SLC4A7: variants seen among roughly 807,000 people sequenced by gnomAD.
SLC4A7 encodes sodium bicarbonate cotransporter 3.
SLC4A7 carries 51 observed loss-of-function variants against 137.6 expected under a neutral mutation model. The ratio of observed to expected loss-of-function variants is 0.37; its 90% CI spans 0.30 to 0.47. SLC4A7 has a LOEUF of 0.47. Ranked by LOEUF, SLC4A7 falls within the 20% of genes least tolerant of loss-of-function variation. The pLI is 1.00. For missense variants in SLC4A7, 1,247 were observed against 1,525.4 expected, an observed-to-expected ratio of 0.82 and a Z score of 3.04; for synonymous variants, 542 against 518.6, an observed-to-expected ratio of 1.05 and a Z score of -0.61.
rs776068418 is a variant in SLC4A7 at position 27,421,748 on chromosome 3, G to A, written c.1298C>T (p.Thr433Met). 1.7e-5 allele frequency: 27 copies of A among 1,612,324 alleles called. No homozygotes were observed. Among genetic ancestry groups the A allele is most frequent in the African/African-American group, 1.1e-4 (8 of 74,846 alleles). The change falls in exon 9 of 26, where the codon ACG (threonine) becomes ATG (methionine). Residue 433 changes from threonine (T) to methionine (M), a missense_variant. Thr to Met is a moderately conservative substitution (Grantham distance 81). Around this residue, in one of 6 missense-constraint regions of SLC4A7, gnomAD observed 499 missense variants for 664.2 expected, o/e 0.75. Coordinates refer to ENST00000454389, the MANE Select transcript of SLC4A7 (RefSeq NM_001321103.2). Reference sequence around the variant, plus strand: ...CAGGACGTTGGATGCCTCAGCACCCGTAGGAATTTTTCTCATGAAATTCAT... The same window carrying A: ...CAGGACGTTGGATGCCTCAGCACCCATAGGAATTTTTCTCATGAAATTCAT... The part of the protein sequence containing the change: ...VDMNFMRKIP[T>M]GAEASNVLVG...
chr3:27,402,561 A>T (rs1234393775), intron 15 of SLC4A7, among the ~76,000 whole-genome samples: 1 of 152,050 alleles, frequency 6.6e-6, no homozygotes, highest in Non-Finnish European at 1.5e-5. Flanking sequence ...TTAGCTAGGC[A>T]CGGTGATACG....
intron 24 of SLC4A7, among the ~76,000 whole-genome samples, chr3:27,380,575 T>C (rs1027462514): frequency 1.3e-5 from 2 of 152,158 alleles, no homozygotes; most frequent in Non-Finnish European, 2.9e-5. Flanking sequence ...TCAAATTAGG[T>C]AATGTTAAAT....
intron 15 of SLC4A7, among the ~76,000 whole-genome samples, chr3:27,402,326 TAA>T (rs2052840413): frequency 6.6e-6 from 1 of 152,198 alleles, no homozygotes; most frequent in South Asian, 2.1e-4. Flanking sequence ...TTCTAGAATT[TAA>T]AAAGATTTTC....
At chr3:27,478,491 GC>G (rs1221599534) in intron 1 of SLC4A7, among the ~76,000 whole-genome samples, 2 of 132,896 alleles carry the variant, frequency 1.5e-5, no homozygotes, top group East Asian at 4.3e-4. Flanking sequence ...GCACTCCTGG[GC>G]AAAAGAGCGA....
At chr3:27,428,686 A>G (rs2055917923) in intron 7 of SLC4A7, among the ~76,000 whole-genome samples, 1 of 152,152 alleles carries the variant, frequency 6.6e-6, no homozygotes, top group African/African-American at 2.4e-5. Flanking sequence ...GTTTCTGAAA[A>G]TGGGTGTGTC....
intron 1 of SLC4A7, among the ~76,000 whole-genome samples, chr3:27,468,940 C>G (rs879340623): frequency 1.3e-5 from 2 of 151,890 alleles, no homozygotes; most frequent in African/African-American, 4.8e-5. Flanking sequence ...AATGCTGTCT[C>G]TACTAAAAAT....
chr3:27,456,822 C>G, intron 1 of SLC4A7: 1 of 1,432,166 alleles, frequency 7.0e-7, no homozygotes, highest in Non-Finnish European at 9.1e-7. Flanking sequence ...TATGGTACAG[C>G]CAATCACTGT....
chr3:27,481,210 T>A (rs2059691934), intron 1 of SLC4A7, among the ~76,000 whole-genome samples: 1 of 152,092 alleles, frequency 6.6e-6, no homozygotes, highest in Non-Finnish European at 1.5e-5. Context: ...AAGTGAGGCT[T>A]ACAATTATGA....
chr3:27,428,037 G>A (rs983615486), intron 7 of SLC4A7, among the ~76,000 whole-genome samples: 3 of 152,082 alleles, frequency 2.0e-5, no homozygotes, highest in Non-Finnish European at 4.4e-5. Flanking sequence ...ACTGATCAAT[G>A]TAATATTGGA....
chr3:27,394,831 T>G, intron 19 of SLC4A7, 62 bp from the exon 20 acceptor site: 1 of 1,566,808 alleles, frequency 6.4e-7, no homozygotes, highest in Non-Finnish European at 8.7e-7. Context: ...TTTAAAATTC[T>G]ACACGAATTA....
intron 1 of SLC4A7, among the ~76,000 whole-genome samples, chr3:27,481,561 A>G (rs1483251845): frequency 1.3e-5 from 2 of 152,212 alleles, no homozygotes; most frequent in East Asian, 3.8e-4. Flanking sequence ...AAACTGGGTG[A>G]GCGAAGATTT....
intron 1 of SLC4A7, among the ~76,000 whole-genome samples, chr3:27,476,928 T>C (rs1345474304): frequency 6.6e-6 from 1 of 152,180 alleles, no homozygotes; most frequent in Non-Finnish European, 1.5e-5. Flanking sequence ...AACCCTAGGC[T>C]AGACTTAATT....
chr3:27,424,430 C>T, intron 7 of SLC4A7: 3 of 246,490 alleles, frequency 1.2e-5, no homozygotes, highest in Non-Finnish European at 2.3e-5. Context: ...TGGTGTGAAC[C>T]ACAAAAGATG....
intron 1 of SLC4A7, among the ~76,000 whole-genome samples, chr3:27,459,800 T>C (rs75383595): frequency 0.13 from 19,454 of 152,012 alleles, 1,229 homozygotes; most frequent in Middle Eastern, 0.19. Context: ...TTACATTCTG[T>C]TGTGTCTTGT....
rs147266917 is a variant in SLC4A7, at chr3:27,410,080, C to T, written c.1767-550G>A. On this transcript the variant is annotated intron_variant, in intron 12 of 25. Coordinates refer to ENST00000454389, the MANE Select transcript of SLC4A7 (RefSeq NM_001321103.2). ...AAAGGGGGAAAGAAATCCCTAAAAA[C>T]TATTTCAGTATATTTAATTTACTGT... 2.6e-3 allele frequency among the ~76,000 whole-genome samples: 401 copies of T among 152,226 alleles called. 1 individual carries two copies. The highest frequency in any genetic ancestry group is 9.3e-3 in the African/African-American group (387 of 41,538).
At chr3:27,455,248 G>A (rs1473056764) in intron 1 of SLC4A7, among the ~76,000 whole-genome samples, 4 of 152,202 alleles carry the variant, frequency 2.6e-5, no homozygotes, top group Admixed American at 2.0e-4. Context: ...AATGGAAGTA[G>A]ATCTATGTGT....
At chr3:27,477,285 T>G (rs2059499584) in intron 1 of SLC4A7, among the ~76,000 whole-genome samples, 1 of 152,228 alleles carries the variant, frequency 6.6e-6, no homozygotes, top group African/African-American at 2.4e-5. Flanking sequence ...GTGTGGCAAG[T>G]TGGTGAACAG....
chr3:27,477,734 C>T (rs960478870), intron 1 of SLC4A7, among the ~76,000 whole-genome samples: 1 of 152,132 alleles, frequency 6.6e-6, no homozygotes, highest in African/African-American at 2.4e-5. Flanking sequence ...CCTGCCTCAG[C>T]CTCCCAAGTA....
At chr3:27,466,807 C>T (rs539601875) in intron 1 of SLC4A7, among the ~76,000 whole-genome samples, 183 of 151,576 alleles carry the variant, frequency 1.2e-3, no homozygotes, top group African/African-American at 4.0e-3. Context: ...CAGAGAGCCG[C>T]GATTGCGCCA....
Sources: allele counts gnomAD v4.1 joint callset (sites outside exome capture counted in the v4.1 genomes callset), GRCh38; gene constraint gnomAD v4.1.1; regional missense constraint gnomAD v4.1.1; transcripts MANE v1.5; gene names NCBI Gene and HGNC (gene_info 2026-07-23, HGNC 2026-07-21).